PSG5: variants seen among roughly 807,000 people sequenced by gnomAD.
PSG5 encodes pregnancy specific beta-1-glycoprotein 5.
Under a neutral mutation model 37.7 loss-of-function variants are expected in PSG5, and 53 were observed. The observed-to-expected ratio is 1.41, with a 90% CI of 1.13 to 1.77. The LOEUF (loss-of-function observed/expected upper bound fraction) is 1.77, where lower values mean the gene tolerates loss of function less well. PSG5 is among the 40% of genes most tolerant of loss of function. The pLI is 0.00. For missense variants in PSG5, 547 were observed against 405.2 expected, an observed-to-expected ratio of 1.35 and a Z score of -3.00; for synonymous variants, 221 against 155.4, an observed-to-expected ratio of 1.42 and a Z score of -3.14.
At chr19:43,169,661 G>A (rs983010751) in intron 5 of PSG5, among the ~76,000 whole-genome samples, 2 of 151,678 alleles carry the variant, frequency 1.3e-5, no homozygotes, top group African/African-American at 4.9e-5. Flanking sequence ...AAGGTAATGA[G>A]GCAGTCATAT....
intron 2 of PSG5, among the ~76,000 whole-genome samples, chr19:43,183,977 GT>G (rs1969188228): frequency 1.3e-5 from 2 of 151,818 alleles, no homozygotes; most frequent in South Asian, 4.2e-4. Context: ...GCTTGGCACA[GT>G]GGAGGTTTCA....
intron 1 of PSG5, among the ~76,000 whole-genome samples, chr19:43,185,442 CACACTG>C (rs1966914547): frequency 2.1e-5 from 3 of 140,786 alleles, no homozygotes; most frequent in African/African-American, 5.3e-5. Flanking sequence ...CCCCCCCCCC[CACACTG>C]CCCTCAGGTC....
intron 2 of PSG5, among the ~76,000 whole-genome samples, chr19:43,184,438 C>T (rs747346640): frequency 6.6e-6 from 1 of 151,538 alleles, no homozygotes; most frequent in Non-Finnish European, 1.5e-5. Flanking sequence ...CTCAGGGGGC[C>T]CCTCAGGCCA....
Position 43,178,081 on chromosome 19 carries a change from G to C in PSG5, c.431-1933C>G, listed in dbSNP as rs780104374. Among the ~76,000 whole-genome samples the C allele has an allele frequency of 3.3e-5, 5 of 151,630 alleles. 1 individual carries two copies. Among genetic ancestry groups the C allele is most frequent in the African/African-American group, 9.7e-5 (4 of 41,164 alleles). On this transcript the variant is annotated intron_variant, in intron 2 of 5. Transcript: ENST00000342951. Reference sequence around the variant, plus strand: ...GAAAGAGTGAAGGGGAAAGGCAAAAGCTGGTGGTTTTGGAGCAGAAACATA... The same window carrying C: ...GAAAGAGTGAAGGGGAAAGGCAAAACCTGGTGGTTTTGGAGCAGAAACATA...
chr19:43,183,186 C>A (rs1165739620), intron 2 of PSG5: 12 of 273,258 alleles, frequency 4.4e-5, no homozygotes, highest in East Asian at 3.5e-4. Context: ...CCCCCAGTTC[C>A]ACAGTCCAGG....
In PSG5 at chr19:43,172,863, A is replaced by C. The variant is rs138192424; in HGVS notation, c.964+2352T>G. 1.7e-3 allele frequency among the ~76,000 whole-genome samples: 259 copies of C among 151,684 alleles called. 5 individuals are homozygous for C. The highest frequency in any genetic ancestry group is 5.9e-3 in the African/African-American group (243 of 41,242). ...GTCAGAATCTCAGTGACATTTTTGCAGAAAAAGACAAATCTGTCCTAAAAT... is the reference window on the plus strand; with the variant it reads ...GTCAGAATCTCAGTGACATTTTTGCCGAAAAAGACAAATCTGTCCTAAAAT... On this transcript the variant is annotated intron_variant, in intron 4 of 5. Transcript: ENST00000342951.
intron 5 of PSG5, among the ~76,000 whole-genome samples, chr19:43,169,199 G>T (rs1968850951): frequency 6.6e-6 from 1 of 151,492 alleles, no homozygotes; most frequent in Non-Finnish European, 1.5e-5. Flanking sequence ...CTCATTTCCT[G>T]TCTTAGGCTT....
chr19:43,184,237 G>T (rs1402890694), intron 2 of PSG5, among the ~76,000 whole-genome samples: 2 of 151,702 alleles, frequency 1.3e-5, no homozygotes, highest in South Asian at 2.1e-4. Flanking sequence ...AGGCTCTGAG[G>T]GCTGAGCCCT....
At chr19:43,174,480 T>C in intron 4 of PSG5, 1 of 763,332 alleles carries the variant, frequency 1.3e-6, no homozygotes, top group Non-Finnish European at 1.6e-6. Context: ...GTCACTATCC[T>C]CCGTGCTGTG....
chr19:43,175,845 C>T lies in PSG5; in HGVS notation c.709+25G>A, dbSNP rs201382644. ...TTTAGATTTAAGCTGGTGTCCTGGC[C>T]CACAGAGGAACAAAAGATACTCACA... On this transcript the variant is annotated intron_variant, in intron 3 of 5. Coordinates refer to ENST00000342951, the MANE Select transcript of PSG5 (RefSeq NM_002781.4). 3.7e-5 allele frequency: 60 copies of T among 1,610,786 alleles called. 2 individuals carry two copies. Among genetic ancestry groups the T allele is most frequent in the South Asian group, 2.7e-4 (25 of 90,934 alleles).
intron 2 of PSG5, among the ~76,000 whole-genome samples, chr19:43,183,809 C>A (rs1969183656): frequency 6.6e-6 from 1 of 151,500 alleles, no homozygotes; most frequent in African/African-American, 2.4e-5. Flanking sequence ...CCTCATGTGA[C>A]CCTGATCTCC....
rs1410650704 is a variant in PSG5 at position 43,175,999 on chromosome 19, T to A, written c.580A>T (p.Lys194Ter). The change falls in exon 3 of 6, where the codon AAG (lysine) becomes TAG (stop). Residue 194 changes from lysine (K) to a stop codon, truncating the protein, a stop_gained. Transcript: ENST00000342951. LOFTEE classifies it high-confidence loss of function. ...GQSLPVSPRVKRPIENRILIL... is the reference protein window; with the variant it reads ...GQSLPVSPRV ...AGGATCCTGTTTTCAATGGGTCGCT[T>A]TACCCTGGGACTGACCGGGAGGCTC... is the stretch of plus-strand genomic sequence containing the variant. 1 of 1,611,322 alleles carries A rather than the reference T, an allele frequency of 6.2e-7. No individual in the cohort carries two copies. The highest frequency in any genetic ancestry group is 1.3e-5 in the African/African-American group (1 of 74,436).
Position 43,170,216 on chromosome 19 carries a change from G to A in PSG5, c.965-78C>T, listed in dbSNP as rs545645963. On this transcript the variant is annotated intron_variant, in intron 4 of 5. Transcript: ENST00000342951. ...GGGGAGCCTCAGGAAGAGGCATGTA[G>A]CATGAGGTACTCTATAATTGTTTCT... is the stretch of plus-strand genomic sequence containing the variant. The A allele has an allele frequency of 6.7e-5, 82 of 1,224,574 alleles. 1 individual carries two copies. The South Asian group carries it at 6.8e-4, about 10-fold the overall frequency. The allele number at this position is 1,224,574 out of a possible 1,614,324, so 75.9% of individuals were successfully genotyped here.
intron 5 of PSG5, among the ~76,000 whole-genome samples, chr19:43,168,836 G>A (rs1290678684): frequency 6.6e-6 from 1 of 151,592 alleles, no homozygotes; most frequent in South Asian, 2.1e-4. Context: ...TCTTGGTGTA[G>A]CCCATTCATA....
In PSG5 at chr19:43,186,416, C is replaced by A. The variant is rs898219072; in HGVS notation, c.-11G>T. ...TGAGAGGGGCCCCATGGTCTCTGCG[C>A]CTGCGTGTTCTCCTCTGTGGAGCTG... On this transcript the variant is annotated 5_prime_UTR_variant, in exon 1 of 6. Coordinates refer to ENST00000342951, the MANE Select transcript of PSG5 (RefSeq NM_002781.4). The A allele has an allele frequency of 6.2e-7, 1 of 1,611,938 alleles. No individual in the cohort carries two copies. Among genetic ancestry groups the A allele is most frequent in the African/African-American group, 1.3e-5 (1 of 74,492 alleles).
At chr19:43,179,415 G>A (rs1364834431) in intron 2 of PSG5, among the ~76,000 whole-genome samples, 1 of 151,632 alleles carries the variant, frequency 6.6e-6, no homozygotes, top group African/African-American at 2.4e-5. Context: ...GAAAGACACA[G>A]GACCAGCAGT....
At chr19:43,174,841 A>G in intron 4 of PSG5, 1 of 1,163,016 alleles carries the variant, frequency 8.6e-7, no homozygotes, top group Non-Finnish European at 1.1e-6. Flanking sequence ...TGTTCCTTGT[A>G]GCTCATGGAA....
intron 2 of PSG5, among the ~76,000 whole-genome samples, chr19:43,184,066 A>T (rs1028265785): frequency 3.3e-5 from 5 of 151,750 alleles, no homozygotes; most frequent in Non-Finnish European, 5.9e-5. Context: ...AGCTGCTACC[A>T]GGTACATCTT....
Position 43,186,508 on chromosome 19 carries a change from A to T in PSG5, c.-103T>A. On this transcript the variant is annotated 5_prime_UTR_variant, in exon 1 of 6. Transcript: ENST00000342951. ...TGCTGTCCTTCCTCCTTCTGTGCTGAGCCTCTCTCCAGGGCAGGAGCACTT... is the reference window on the plus strand; with the variant it reads ...TGCTGTCCTTCCTCCTTCTGTGCTGTGCCTCTCTCCAGGGCAGGAGCACTT... 1.3e-6 allele frequency: 2 copies of T among 1,554,420 alleles called. No individual in the cohort carries two copies. The highest frequency in any genetic ancestry group is 1.7e-6 in the Non-Finnish European group (2 of 1,146,466).
Sources: allele counts gnomAD v4.1 joint callset (sites outside exome capture counted in the v4.1 genomes callset), GRCh38; gene constraint gnomAD v4.1.1; transcripts MANE v1.5; gene names NCBI Gene and HGNC (gene_info 2026-07-23, HGNC 2026-07-21).